SLC25A48: variants seen among roughly 807,000 people sequenced by gnomAD.
The protein encoded by SLC25A48 is CTC-321K16.1.
Under a neutral mutation model 32.2 loss-of-function variants are expected in SLC25A48, and 29 were observed. The observed-to-expected ratio is 0.90, with a 90% CI of 0.67 to 1.23. SLC25A48 has a LOEUF of 1.23. Ranked by LOEUF, SLC25A48 falls within the 50% of genes most tolerant of loss-of-function variation. The probability of loss-of-function intolerance (pLI) is 0.00; values close to 1 mark genes in which losing one functional copy is unlikely to be tolerated. For missense variants in SLC25A48, 399 were observed against 422.7 expected (o/e 0.94, Z 0.49); for synonymous variants, 164 against 172.3 (o/e 0.95, Z 0.38).
At chr5:135,736,570 G>A (rs1580826873) in intron 3 of SLC25A48, among the ~76,000 whole-genome samples, 1 of 152,194 alleles carries the variant, frequency 6.6e-6, no homozygotes, top group East Asian at 1.9e-4. Context: ...CCTAAGAAAA[G>A]CGGAAAAGGG....
At chr5:135,719,836 C>T (rs892051435) in intron 3 of SLC25A48, among the ~76,000 whole-genome samples, 9 of 152,158 alleles carry the variant, frequency 5.9e-5, no homozygotes, top group African/African-American at 2.2e-4. Context: ...CACCAACCAC[C>T]TGCCCCTCGC....
In SLC25A48 at chr5:135,681,048, C is replaced by T. The variant is rs189827729; in HGVS notation, c.-521+46092C>T. On this transcript the variant is annotated intron_variant, in intron 3 of 10. Coordinates refer to the SLC25A48 transcript ENST00000646290. Reference sequence around the variant, plus strand: ...TTGGCAAGGATAGAGTGCAATTGCACGATCTTGGCTCACCGCAACCTCTGC... The same window carrying T: ...TTGGCAAGGATAGAGTGCAATTGCATGATCTTGGCTCACCGCAACCTCTGC... Among the ~76,000 whole-genome samples the T allele has an allele frequency of 4.6e-5, 7 of 152,172 alleles. No individual in the cohort carries two copies. The South Asian group carries it at 6.2e-4, about 14-fold the overall frequency.
intron 3 of SLC25A48, among the ~76,000 whole-genome samples, chr5:135,645,919 A>G (rs1014765633): frequency 6.6e-6 from 1 of 152,230 alleles, no homozygotes; most frequent in Non-Finnish European, 1.5e-5. Context: ...CCAAGGGAGG[A>G]GTAAAGAGAA....
At chr5:135,743,318 C>T (rs541701104) in intron 3 of SLC25A48, among the ~76,000 whole-genome samples, 61 of 151,502 alleles carry the variant, frequency 4.0e-4, no homozygotes, top group East Asian at 1.6e-3. Context: ...GTGATCCACC[C>T]GCCTCGGCCT....
intron 3 of SLC25A48, among the ~76,000 whole-genome samples, chr5:135,756,293 T>G (rs1755901853): frequency 8.1e-6 from 1 of 122,890 alleles, no homozygotes; most frequent in Non-Finnish European, 2.0e-5. Flanking sequence ...AATATCATCT[T>G]TGTGATATTT....
chr5:135,631,701 G>T (rs1229697964), intron 2 of SLC25A48, among the ~76,000 whole-genome samples: 1 of 152,182 alleles, frequency 6.6e-6, no homozygotes, highest in Non-Finnish European at 1.5e-5. Flanking sequence ...AACTGTAATC[G>T]CAGAAGAGTG....
intron 3 of SLC25A48, chr5:135,802,977 CAGT>C (rs1757370962): frequency 6.6e-6 from 1 of 151,160 alleles, no homozygotes; most frequent in Non-Finnish European, 1.5e-5. Flanking sequence ...TCTAATATCA[CAGT>C]AGGGTACAAC....
chr5:135,846,137 G>T (rs115585986), intron 2 of SLC25A48, among the ~76,000 whole-genome samples: 4 of 152,184 alleles, frequency 2.6e-5, no homozygotes, highest in Non-Finnish European at 4.4e-5. Context: ...TATGAACTGC[G>T]CATGCGAGGG....
intron 3 of SLC25A48, among the ~76,000 whole-genome samples, chr5:135,729,790 G>A (rs911583562): frequency 3.3e-5 from 5 of 152,064 alleles, no homozygotes; most frequent in African/African-American, 1.2e-4. Context: ...AAAAGTAATA[G>A]GAAGTACATT....
chr5:135,751,118 G>A (rs549037028), intron 3 of SLC25A48, among the ~76,000 whole-genome samples: 38 of 152,286 alleles, frequency 2.5e-4, no homozygotes, highest in East Asian at 1.5e-3. Context: ...CACCCAGCCC[G>A]TGCACTGGCT....
intron 3 of SLC25A48, among the ~76,000 whole-genome samples, chr5:135,791,273 G>C (rs1757025327): frequency 6.6e-6 from 1 of 151,782 alleles, no homozygotes; most frequent in African/African-American, 2.4e-5. Context: ...TGTACACTCT[G>C]TGATATTATT....
intron 1 of SLC25A48, among the ~76,000 whole-genome samples, chr5:135,610,731 C>T (rs904922484): frequency 4.6e-5 from 7 of 152,348 alleles, no homozygotes; most frequent in Non-Finnish European, 8.8e-5. Flanking sequence ...GGAATCCTCT[C>T]CTCTCCAGAA....
chr5:135,754,178 C>T (rs1470049354), intron 3 of SLC25A48, among the ~76,000 whole-genome samples: 1 of 151,668 alleles, frequency 6.6e-6, no homozygotes, highest in South Asian at 2.1e-4. Context: ...AGTCATATCT[C>T]GATTATATTA....
At chr5:135,773,691 G>A (rs188728246) in intron 3 of SLC25A48, among the ~76,000 whole-genome samples, 161 of 151,608 alleles carry the variant, frequency 1.1e-3, no homozygotes, top group African/African-American at 3.7e-3. Context: ...CAGGAAGGGA[G>A]AAGATTATAT....
At chr5:135,832,246 T>A (rs150461236), upstream of SLC25A48, among the ~76,000 whole-genome samples, 1 of 152,012 alleles carries the variant, frequency 6.6e-6, no homozygotes, top group Non-Finnish European at 1.5e-5. Flanking sequence ...GATGGGGCCC[T>A]GAGGAATTCA....
At chr5:135,751,553 G>A (rs1028142137) in intron 3 of SLC25A48, among the ~76,000 whole-genome samples, 5 of 152,182 alleles carry the variant, frequency 3.3e-5, no homozygotes, top group African/African-American at 1.2e-4. Context: ...AGTCACACAG[G>A]TCAGGTGCAG....
At chr5:135,741,361 G>A (rs1329053073) in intron 3 of SLC25A48, among the ~76,000 whole-genome samples, 5 of 152,154 alleles carry the variant, frequency 3.3e-5, no homozygotes, top group South Asian at 2.1e-4. Context: ...AACATTTTCC[G>A]CAAGGGCCAA....
rs368510311 is a variant in SLC25A48 at position 135,675,908 on chromosome 5, A to T, written c.-521+40952A>T. Among the ~76,000 whole-genome samples the T allele has an allele frequency of 1.2e-4, 18 of 151,782 alleles. No individual in the cohort carries two copies. The East Asian group carries it at 2.7e-3, about 23-fold the overall frequency. On this transcript the variant is annotated intron_variant, in intron 3 of 10. Coordinates refer to the SLC25A48 transcript ENST00000646290. The stretch of plus-strand genomic sequence containing the variant: ...GTGTTTTGTAGTTTTCCTTGTAGTG[A>T]TCTTTCACTTCCTTGGTTAAATTTA...
intron 4 of SLC25A48, among the ~76,000 whole-genome samples, chr5:135,818,054 C>CTCTCT (rs1757773517): frequency 1.6e-4 from 13 of 80,668 alleles, no homozygotes; most frequent in African/African-American, 6.2e-4. Context: ...TCTCTCTGTT[C>CTCTCT]CTCTCTCTCT....
Sources: gnomAD v4.1 joint callset for allele counts (sites outside exome capture counted in the v4.1 genomes callset) on GRCh38, gnomAD v4.1.1 for gene constraint, MANE v1.5 for transcripts, NCBI Gene and HGNC (gene_info 2026-07-23, HGNC 2026-07-21) for gene names.